The following ANTXRL variants were observed in gnomAD, a reference collection of about 807,000 sequenced individuals.
ANTXRL encodes ANTXR like.
A neutral mutation model predicts 75.4 loss-of-function variants in ANTXRL; 63 were observed. The observed-to-expected ratio is 0.84, with a 90% CI of 0.68 to 1.03. The LOEUF (loss-of-function observed/expected upper bound fraction) is 1.03, where lower values mean the gene tolerates loss of function less well. Among genes scored for constraint, ANTXRL ranks in the 50% least tolerant of loss-of-function variants. The pLI is 0.00. For synonymous variants in ANTXRL, 335 were observed against 291.3 expected (o/e 1.15, Z -1.53); for missense variants, 797 against 789.4 (o/e 1.01, Z -0.12).
intron 9 of ANTXRL, among the ~76,000 whole-genome samples, chr10:46,301,189 C>T (rs1275835654): frequency 6.6e-6 from 1 of 152,246 alleles, no homozygotes; most frequent in Non-Finnish European, 1.5e-5. Flanking sequence ...CCCGGGCACA[C>T]ACTGAGCCTA....
At chr10:46,308,193 C>T (rs1838206087) in intron 12 of ANTXRL, among the ~76,000 whole-genome samples, 1 of 152,168 alleles carries the variant, frequency 6.6e-6, no homozygotes, top group Non-Finnish European at 1.5e-5. Flanking sequence ...CCCTCTGGGT[C>T]TATCCTTGCC....
chr10:46,299,289 T>C (rs2132707493), intron 9 of ANTXRL, among the ~76,000 whole-genome samples: 1 of 152,242 alleles, frequency 6.6e-6, no homozygotes, highest in African/African-American at 2.4e-5. Context: ...GACAAAGTCG[T>C]CCACACAAAC....
At chr10:46,309,931 G>A (rs1285524994) in intron 13 of ANTXRL, among the ~76,000 whole-genome samples, 1 of 152,126 alleles carries the variant, frequency 6.6e-6, no homozygotes, top group Non-Finnish European at 1.5e-5. Context: ...CTGGGAGCTG[G>A]GGTGGACGGA....
chr10:46,291,133 A>G (rs782784183), intron 1 of ANTXRL, among the ~76,000 whole-genome samples: 49 of 152,272 alleles, frequency 3.2e-4, no homozygotes, highest in Non-Finnish European at 6.3e-4. Context: ...GTCCAACTTC[A>G]TTCTTTTGCA....
chr10:46,328,985 C>G (rs1839360617), intron 16 of ANTXRL, among the ~76,000 whole-genome samples: 1 of 152,126 alleles, frequency 6.6e-6, no homozygotes, highest in Admixed American at 6.5e-5. Context: ...AAGAAGCCAG[C>G]AGAGAGAAAG....
intron 15 of ANTXRL, among the ~76,000 whole-genome samples, 197 bp downstream of exon 15, chr10:46,311,862 C>T (rs373856487): frequency 1.3e-5 from 2 of 152,036 alleles, no homozygotes; most frequent in Admixed American, 6.6e-5. Flanking sequence ...TATATGAGGG[C>T]TCCTGTCCCC....
chr10:46,319,211 C>T (rs1165059318), intron 16 of ANTXRL, among the ~76,000 whole-genome samples: 2 of 152,162 alleles, frequency 1.3e-5, no homozygotes, highest in African/African-American at 4.8e-5. Context: ...TTTTGAGTGG[C>T]CTCTCAATTT....
intron 16 of ANTXRL, among the ~76,000 whole-genome samples, chr10:46,322,445 G>A (rs1168483462): frequency 4.1e-5 from 6 of 146,572 alleles, no homozygotes; most frequent in Non-Finnish European, 8.9e-5. Flanking sequence ...GTGACAAAGT[G>A]AGACTCCATC....
rs563787566 is a variant in ANTXRL at position 46,297,536 on chromosome 10, G to A, written c.654+62G>A. Reference sequence around the variant, plus strand: ...CCTAGTGGTCACTTTCGAGCCAACCGTCCCGGGCCACCCCAAGGACGGTTG... The same window carrying A: ...CCTAGTGGTCACTTTCGAGCCAACCATCCCGGGCCACCCCAAGGACGGTTG... On this transcript the variant is annotated intron_variant, in intron 7 of 16. Transcript: ENST00000620264. 1.5e-5 allele frequency: 23 copies of A among 1,496,100 alleles called. No individual in the cohort carries two copies. The East Asian group carries it at 3.4e-4, about 22-fold the overall frequency. The allele number at this position is 1,496,100 out of a possible 1,614,324, so 92.7% of individuals were successfully genotyped here. A position where few individuals can be genotyped will look rare whatever the true frequency, so the allele number is the denominator to read the frequency against.
rs1838104817 is a variant in ANTXRL, at chr10:46,306,660, T to C, written c.896-143T>C. Reference sequence around the variant, plus strand: ...ACAGGGCCTGGGTGTGGCGGGTGCTTGCAGGGGTCTGTGCAATAGGAAGGC... The same window carrying C: ...ACAGGGCCTGGGTGTGGCGGGTGCTCGCAGGGGTCTGTGCAATAGGAAGGC... On this transcript the variant is annotated intron_variant, in intron 10 of 16. Transcript: ENST00000620264. 4.9e-6 allele frequency: 3 copies of C among 610,868 alleles called. No homozygotes were observed. In the South Asian group the frequency reaches 7.6e-5, roughly 15 times the overall value. The allele number at this position is 610,868 out of a possible 1,614,324, so 37.8% of individuals were successfully genotyped here.
chr10:46,288,437 G>A (rs1284421486), intron 1 of ANTXRL, among the ~76,000 whole-genome samples: 4 of 152,080 alleles, frequency 2.6e-5, no homozygotes, highest in African/African-American at 9.7e-5. Context: ...ACACTTTCCA[G>A]CATCGCAGGT....
At chr10:46,288,196 G>T (rs1427267382) in intron 1 of ANTXRL, among the ~76,000 whole-genome samples, 1 of 152,084 alleles carries the variant, frequency 6.6e-6, no homozygotes, top group Non-Finnish European at 1.5e-5. Context: ...CTGCTGGGTG[G>T]TAATACTCTG....
intron 1 of ANTXRL, among the ~76,000 whole-genome samples, chr10:46,291,570 GT>G (rs1475942330): frequency 6.6e-6 from 1 of 151,988 alleles, no homozygotes; most frequent in African/African-American, 2.4e-5. Flanking sequence ...CATTTATTGT[GT>G]CTTTAAATTC....
intron 9 of ANTXRL, among the ~76,000 whole-genome samples, chr10:46,298,943 G>A (rs1174968579): frequency 5.3e-5 from 8 of 151,676 alleles, no homozygotes; most frequent in Non-Finnish European, 1.0e-4. Context: ...GGCAATATGC[G>A]GGGGTGGTGG....
chr10:46,293,341 TGTGCGTGC>T (rs1180542979), intron 2 of ANTXRL, among the ~76,000 whole-genome samples: 4 of 148,278 alleles, frequency 2.7e-5, no homozygotes, highest in Admixed American at 2.0e-4. Flanking sequence ...TGTGTGCGTG[TGTGCGTGC>T]ATGTGTGTGC....
At chr10:46,308,007 G>A (rs1162502752) in intron 12 of ANTXRL, among the ~76,000 whole-genome samples, 2 of 152,292 alleles carry the variant, frequency 1.3e-5, no homozygotes, top group Admixed American at 6.5e-5. Flanking sequence ...AGGCCCCTGG[G>A]AATGGAGATG....
intron 16 of ANTXRL, among the ~76,000 whole-genome samples, chr10:46,319,691 G>T (rs760711268): frequency 6.6e-6 from 1 of 152,026 alleles, no homozygotes; most frequent in Non-Finnish European, 1.5e-5. Context: ...TGATAGCCTG[G>T]AAAGTCGCTA....
chr10:46,306,466 C>T (rs1838090941), intron 10 of ANTXRL, among the ~76,000 whole-genome samples: 1 of 152,176 alleles, frequency 6.6e-6, no homozygotes, highest in Admixed American at 6.5e-5. Context: ...CCCTTCCTCT[C>T]TGGTTCCCTC....
rs184019158 is a variant in ANTXRL at position 46,313,075 on chromosome 10, C to G, written c.1330-161C>G. 5.3e-3 allele frequency among the ~76,000 whole-genome samples: 813 copies of G among 152,234 alleles called. 10 individuals carry two copies. The highest frequency in any genetic ancestry group is 0.019 in the African/African-American group (768 of 41,506). On this transcript the variant is annotated intron_variant, in intron 15 of 16. Transcript: ENST00000620264. Reference sequence around the variant, plus strand: ...CTCTCTGTGGCCACAGTGACCATGTCCCCAGCACACAAGGCTGCCAGGCCC... The same window carrying G: ...CTCTCTGTGGCCACAGTGACCATGTGCCCAGCACACAAGGCTGCCAGGCCC...
Sources: allele counts gnomAD v4.1 joint callset (sites outside exome capture counted in the v4.1 genomes callset), GRCh38; gene constraint gnomAD v4.1.1; transcripts MANE v1.5; gene names NCBI Gene and HGNC (gene_info 2026-07-23, HGNC 2026-07-21).